DLL3: variants seen among roughly 807,000 people sequenced by gnomAD.
DLL3 encodes delta-like protein 3.
Under a neutral mutation model 55.0 loss-of-function variants are expected in DLL3, and 49 were observed. The ratio of observed to expected loss-of-function variants is 0.89; its 90% confidence interval spans 0.71 to 1.13. The LOEUF is 1.13. Ranked by LOEUF, DLL3 falls within the 50% of genes most tolerant of loss-of-function variation. DLL3 has a pLI of 0.00. For missense variants in DLL3, 962 were observed against 875.5 expected (o/e 1.10, Z -1.25); for synonymous variants, 421 against 385.2 (o/e 1.09, Z -1.09).
Position 39,502,899 on chromosome 19 carries a change from C to T in DLL3, c.494C>T (p.Ala165Val). 2.1e-6 allele frequency: 3 copies of T among 1,442,016 alleles called. No homozygotes were observed. Among genetic ancestry groups the T allele is most frequent in the Non-Finnish European group, 2.7e-6 (3 of 1,102,900 alleles). The allele number at this position is 1,442,016 out of a possible 1,614,324, so 89.3% of individuals were successfully genotyped here. A position where few individuals can be genotyped will look rare whatever the true frequency, so the allele number is the denominator to read the frequency against. ...CCGTGGGCCCGGGACATTCAGCGCG[C>T]AGGCGCCTGGGAGCTGCGCTTCTCG... ...GGPWARDIQR[A>V]GAWELRFSYR... Residue 165 changes from alanine to valine, a missense_variant, in exon 4 of 9, where the codon GCA becomes GTA. Physicochemically the swap from Ala to Val is moderately conservative, Grantham distance 64. Coordinates refer to ENST00000356433, the MANE Select transcript of DLL3 (RefSeq NM_203486.3).
At position 39,507,077 on chromosome 19, in the gene DLL3, C is replaced by T; in HGVS notation, c.1132C>T (p.Arg378Cys). The T allele has an allele frequency of 3.2e-6, 5 of 1,542,668 alleles. No homozygotes were observed. The highest frequency in any genetic ancestry group is 1.2e-5 in the South Asian group (1 of 84,690). ...CLDLGHALRC[R>C]CRAGFAGPRC... is the part of the protein sequence containing the mutation. ...GGACCTGGGCCACGCCCTGCGCTGC[C>T]GCTGCCGCGCCGGCTTCGCGGGTCC... Residue 378 changes from arginine to cysteine, a missense_variant, in exon 7 of 9, where the codon CGC becomes TGC. Arg to Cys is a radical substitution (Grantham distance 180). Transcript: ENST00000356433.
chr19:39,504,080 G>A lies in DLL3; in HGVS notation c.662G>A (p.Arg221Gln), dbSNP rs201901192. ...EDECEAPLVCRAGCSPEHGFC... is the reference protein window; with the variant it reads ...EDECEAPLVCQAGCSPEHGFC... ...TCTCTGTCCCCCATAGTGGTGTGCC[G>A]AGCAGGCTGCAGCCCTGAGCATGGC... The change falls in exon 5 of 9, where the codon CGA (arginine) becomes CAA (glutamine). Residue 221 changes from arginine (R) to glutamine (Q), a missense_variant. Physicochemically the swap from Arg to Gln is conservative, Grantham distance 43. Transcript: ENST00000356433. 3.0e-5 allele frequency: 48 copies of A among 1,613,074 alleles called. No homozygotes were observed. Among genetic ancestry groups the A allele is most frequent in the Middle Eastern group, 1.6e-4 (1 of 6,084 alleles).
rs755597448 is a variant in DLL3 at position 39,507,504 on chromosome 19, A to C, written c.1559A>C (p.His520Pro). ...CTGGTCCACGTGCGCCGCCGTGGCC[A>C]CTCCCAGGATGCTGGGTCTCGCTTG... ...LLLVHVRRRG[H>P]SQDAGSRLLA... The change falls in exon 7 of 9, where the codon CAC (histidine) becomes CCC (proline). Residue 520 changes from histidine to proline, a missense_variant. His to Pro is a moderately conservative substitution (Grantham distance 77, BLOSUM62 -2). Coordinates refer to ENST00000356433, the MANE Select transcript of DLL3 (RefSeq NM_203486.3). 1.3e-6 allele frequency: 2 copies of C among 1,598,194 alleles called. No homozygotes were observed. Among genetic ancestry groups the C allele is most frequent in the African/African-American group, 2.7e-5 (2 of 74,478 alleles).
In DLL3 at chr19:39,507,857, A is replaced by T; in HGVS notation, c.1701A>T (p.Glu567Asp). ...CGTCCGTAGATTGGAATCGCCCTGA[A>T]GATGTAGACCCTCAAGGGATTTATG... Reference protein sequence around the residue: ...PSSSVDWNRPEDVDPQGIYVI... With the variant: ...PSSSVDWNRPDDVDPQGIYVI... The change falls in exon 8 of 9, where the codon GAA becomes GAT. Residue 567 changes from glutamate (E) to aspartate (D), a missense_variant. By Grantham distance (45) the Glu-to-Asp change is conservative. Coordinates refer to ENST00000356433, the MANE Select transcript of DLL3 (RefSeq NM_203486.3). 1.2e-6 allele frequency: 2 copies of T among 1,614,050 alleles called. No individual in the cohort carries two copies. Among genetic ancestry groups the T allele is most frequent in the East Asian group, 4.5e-5 (2 of 44,866 alleles).
rs775631906 is a variant in DLL3 at position 39,499,239 on chromosome 19, G to A, written c.117G>A (p.Pro39=). 7.1e-6 allele frequency: 11 copies of A among 1,549,338 alleles called. No individual in the cohort carries two copies. The highest frequency in any genetic ancestry group is 7.0e-5 in the South Asian group (6 of 85,604). ...AGCTGCAGATCCACTCTTTCGGGCC[G>A]GGTCCAGGCCCTGGGGCCCCGCGGT... ...VFELQIHSFG[P]GPGPGAPRSP... is the part of the protein sequence containing the mutation. The change falls in exon 2 of 9, where the codon CCG becomes CCA. Residue 39 remains proline (P), a synonymous_variant. Coordinates refer to ENST00000356433, the MANE Select transcript of DLL3 (RefSeq NM_203486.3).
Position 39,508,439 on chromosome 19 carries a change from G to C in DLL3, c.*182G>C. 1 of 694,682 alleles carries C rather than the reference G, an allele frequency of 1.4e-6. No individual in the cohort carries two copies. Among genetic ancestry groups the C allele is most frequent in the Admixed American group, 2.4e-5 (1 of 41,368 alleles). The allele number at this position is 694,682 out of a possible 1,614,324, so 43.0% of individuals were successfully genotyped here. ...TATTTTTTCTCACCCCATCTCTCTA[G>C]AAACACCTATAAAGGCTATTATTGT... On this transcript the variant is annotated 3_prime_UTR_variant, in exon 9 of 9. Coordinates refer to ENST00000356433, the MANE Select transcript of DLL3 (RefSeq NM_203486.3).
Position 39,504,173 on chromosome 19 carries a change from T to G in DLL3, c.755T>G (p.Val252Gly), listed in dbSNP as rs779449946. The change falls in exon 5 of 9, where the codon GTC (valine) becomes GGC (glycine). Residue 252 changes from valine (V) to glycine (G), a missense_variant. Physicochemically the swap from Val to Gly is moderately radical, Grantham distance 109 (BLOSUM62 -3). Coordinates refer to ENST00000356433, the MANE Select transcript of DLL3 (RefSeq NM_203486.3). ...ACTGGACCCCTCTGCACGGTCCCTG[T>G]CTCCACCAGCAGCTGCCTCAGCCCC... ...GWTGPLCTVP[V>G]STSSCLSPRG... 6.2e-7 allele frequency: 1 copy of G among 1,612,460 alleles called. No homozygotes were observed. The highest frequency in any genetic ancestry group is 8.5e-7 in the Non-Finnish European group (1 of 1,180,012).
intron 4 of DLL3, among the ~76,000 whole-genome samples, chr19:39,503,295 C>G (rs1208085390): frequency 6.6e-6 from 1 of 152,194 alleles, no homozygotes; most frequent in Admixed American, 6.5e-5. Flanking sequence ...AACTGAGGAC[C>G]CTGGACCTCT....
intron 5 of DLL3, among the ~76,000 whole-genome samples, 172 bp from the exon 6 acceptor site, chr19:39,505,057 C>G (rs552028836): frequency 6.6e-6 from 1 of 152,188 alleles, no homozygotes; most frequent in East Asian, 1.9e-4. Context: ...CATGGGCAGA[C>G]AGAAGAATGT....
At chr19:39,499,136 G>A in intron 1 of DLL3, 56 bp from the exon 2 acceptor site, 8 of 1,608,862 alleles carry the variant, frequency 5.0e-6, no homozygotes, top group Non-Finnish European at 6.8e-6. Context: ...AGCGTGGGGC[G>A]GACGGGAAGC....
chr19:39,502,390 G>C (rs1165680051), intron 3 of DLL3, among the ~76,000 whole-genome samples: 1 of 151,522 alleles, frequency 6.6e-6, no homozygotes, highest in African/African-American at 2.4e-5. Context: ...AGCCTCCCGA[G>C]TAGATGGGAT....
In DLL3 at chr19:39,499,581, G is replaced by C. The variant is rs974706889; in HGVS notation, c.351+108G>C. 23 of 1,432,128 alleles carry C rather than the reference G, an allele frequency of 1.6e-5. No homozygotes were observed. The South Asian group carries it at 1.7e-4, about 10-fold the overall frequency. The allele number at this position is 1,432,128 out of a possible 1,614,324, so 88.7% of individuals were successfully genotyped here. A position where few individuals can be genotyped will look rare whatever the true frequency, so the allele number is the denominator to read the frequency against. ...CCAAGACCCTAATCCTGCCTCCCAG[G>C]GGGTGGACGAAATTCCCAGACCAGT... On this transcript the variant is annotated intron_variant, in intron 2 of 8. Transcript: ENST00000356433.
intron 5 of DLL3, among the ~76,000 whole-genome samples, chr19:39,504,723 G>A (rs775005826): frequency 6.6e-6 from 1 of 152,134 alleles, no homozygotes; most frequent in Non-Finnish European, 1.5e-5. Flanking sequence ...GGGTGGCCAG[G>A]TGAGTGGCCT....
rs982676128 is a variant in DLL3 at position 39,501,910 on chromosome 19, G to A, written c.410-905G>A. On this transcript the variant is annotated intron_variant, in intron 3 of 8. Coordinates refer to ENST00000356433, the MANE Select transcript of DLL3 (RefSeq NM_203486.3). ...TTACAAAGATCTGGGTCAAGGCCCG[G>A]CGCGGTGGCTCACGCCTGTAATCCC... Among the ~76,000 whole-genome samples, 7 of 152,206 alleles carry A rather than the reference G, an allele frequency of 4.6e-5. No individual in the cohort carries two copies. The South Asian group carries it at 1.4e-3, about 31-fold the overall frequency.
chr19:39,507,196 C>G lies in DLL3; in HGVS notation c.1251C>G (p.Cys417Trp). ...GCGGCGGCGCGCACCGCTGCTCCTG[C>G]GCGCTGGGCTTCGGCGGCCGCGACT... ...VEGGGAHRCSCALGFGGRDCR... is the reference protein window; with the variant it reads ...VEGGGAHRCSWALGFGGRDCR... The change falls in exon 7 of 9, where the codon TGC becomes TGG. Residue 417 changes from cysteine (C) to tryptophan (W), a missense_variant. Transcript: ENST00000356433. 1 of 1,312,192 alleles carries G rather than the reference C, an allele frequency of 7.6e-7. No individual in the cohort carries two copies. The highest frequency in any genetic ancestry group is 9.6e-7 in the Non-Finnish European group (1 of 1,040,918). The allele number at this position is 1,312,192 out of a possible 1,614,324, so 81.3% of individuals were successfully genotyped here.
intron 5 of DLL3, 100 bp downstream of exon 5, chr19:39,504,388 T>C: frequency 7.5e-7 from 1 of 1,334,554 alleles, no homozygotes; most frequent in Non-Finnish European, 1.1e-6. Context: ...GGGGAGGAGA[T>C]CTGGGAATAA....
rs1226496305 is a variant in DLL3, at chr19:39,499,038, C to T, written c.64C>T (p.Pro22Ser). 1 of 1,614,116 alleles carries T rather than the reference C, an allele frequency of 6.2e-7. No homozygotes were observed. The highest frequency in any genetic ancestry group is 2.2e-5 in the East Asian group (1 of 44,860). Residue 22 changes from proline (P) to serine (S), a missense_variant, in exon 1 of 9, where the codon CCC (proline) becomes TCC (serine). Transcript: ENST00000356433. ...TGTGATCCTAGCGCTCATTTTCCTC[C>T]CCCAGGTCAGAGCCAGGTGGGAGGT... is the stretch of plus-strand genomic sequence containing the variant. ...QTVILALIFLPQTRPAGVFEL... is the reference protein window; with the variant it reads ...QTVILALIFLSQTRPAGVFEL...
chr19:39,502,713 G>C, intron 3 of DLL3, 102 bp from the exon 4 acceptor site: 1 of 1,264,324 alleles, frequency 7.9e-7, no homozygotes, highest in Non-Finnish European at 1.0e-6. Flanking sequence ...AGGGTGTTTT[G>C]GCCTCGCTGG....
intron 7 of DLL3, 37 bp from the exon 8 acceptor site, chr19:39,507,793 A>G: frequency 6.2e-7 from 1 of 1,613,494 alleles, no homozygotes; most frequent in Non-Finnish European, 8.5e-7. Context: ...TGAGAATTTA[A>G]AGAGTCTGAG....
Sources: allele counts gnomAD v4.1 joint callset (sites outside exome capture counted in the v4.1 genomes callset), GRCh38; gene constraint gnomAD v4.1.1; transcripts MANE v1.5; gene names NCBI Gene and HGNC (gene_info 2026-07-23, HGNC 2026-07-21).